The following BRMS1L variants were observed in gnomAD, a reference collection of about 807,000 sequenced individuals.
BRMS1L encodes the protein BRMS1 like transcriptional repressor, also known as breast cancer metastasis-suppressor 1-like protein.
Under a neutral mutation model 50.3 loss-of-function variants are expected in BRMS1L, and 23 were observed. The ratio of observed to expected loss-of-function variants is 0.46; its 90% CI spans 0.33 to 0.65. The LOEUF (loss-of-function observed/expected upper bound fraction) is 0.65. Among genes scored for constraint, BRMS1L ranks in the 30% least tolerant of loss-of-function variants. BRMS1L has a pLI of 0.02. For missense variants in BRMS1L, 286 were observed against 386.1 expected (o/e 0.74, Z 2.17); for synonymous variants, 114 against 126.9 (o/e 0.90, Z 0.69).
At chr14:35,839,337 T>C (rs992595617) in intron 4 of BRMS1L, among the ~76,000 whole-genome samples, 6 of 152,178 alleles carry the variant, frequency 3.9e-5, no homozygotes, top group Non-Finnish European at 7.4e-5. Flanking sequence ...TTGCTTAGGA[T>C]TGTCTTGGCT....
Position 35,826,406 on chromosome 14 carries a change from G to C in BRMS1L, c.-111G>C, listed in dbSNP as rs1567296020. ...GGCCGGGGGCGGGGAGGAGCCAAGG[G>C]GGCGAGCAAGCTCGGTGGCTGGGTG... On this transcript the variant is annotated 5_prime_UTR_variant, in exon 1 of 10. Transcript: ENST00000216807. 7 of 1,497,340 alleles carry C rather than the reference G, an allele frequency of 4.7e-6. No individual in the cohort carries two copies. The highest frequency in any genetic ancestry group is 5.4e-6 in the Non-Finnish European group (6 of 1,111,148). The allele number at this position is 1,497,340 out of a possible 1,614,324, so 92.8% of individuals were successfully genotyped here. A position where few individuals can be genotyped will look rare whatever the true frequency, so the allele number is the denominator to read the frequency against.
At chr14:35,842,154 T>C (rs1020403812) in intron 4 of BRMS1L, among the ~76,000 whole-genome samples, 7 of 152,326 alleles carry the variant, frequency 4.6e-5, no homozygotes, top group Admixed American at 1.3e-4. Context: ...TGTCTTTTAA[T>C]TGGGGCATTT....
chr14:35,857,545 C>T (rs7159721), intron 4 of BRMS1L, among the ~76,000 whole-genome samples: 3,324 of 151,644 alleles, frequency 0.022, 119 homozygotes, highest in African/African-American at 0.076. Flanking sequence ...GGTTTTGAAC[C>T]CCTGGCCTCA....
At chr14:35,857,125 C>T in intron 4 of BRMS1L, among the ~76,000 whole-genome samples, 1 of 151,536 alleles carries the variant, frequency 6.6e-6, no homozygotes, top group Non-Finnish European at 1.5e-5. Context: ...CCTGTAATCC[C>T]AGCTACTTGG....
intron 5 of BRMS1L, among the ~76,000 whole-genome samples, chr14:35,863,060 A>G (rs1481987811): frequency 2.0e-5 from 3 of 152,028 alleles, no homozygotes; most frequent in Admixed American, 1.3e-4. Context: ...GCAGTGAGCC[A>G]TGATGGCGCC....
chr14:35,862,526 ACT>A lies in BRMS1L; in HGVS notation c.442-61_442-60del. On this transcript the variant is annotated intron_variant, in intron 4 of 9. Transcript: ENST00000216807. ...ATTAAAGTACTTTAAGTTATTTGGT[ACT>A]CTTAGTTAAGATACACCAATTTTTT... 5 of 975,850 alleles carry A rather than the reference ACT, an allele frequency of 5.1e-6. No individual in the cohort carries two copies. In the South Asian group the frequency reaches 9.2e-5, roughly 18 times the overall value. 60.4% of individuals were successfully genotyped at this position (975,850 alleles called of 1,614,324 possible).
intron 4 of BRMS1L, among the ~76,000 whole-genome samples, chr14:35,847,940 T>A (rs10139124): frequency 0.35 from 53,211 of 152,026 alleles, 13,032 homozygotes; most frequent in African/African-American, 0.68. Flanking sequence ...CATTTTCTTT[T>A]CCCCATTCAT....
intron 4 of BRMS1L, among the ~76,000 whole-genome samples, chr14:35,857,759 CAA>C (rs2142058003): frequency 6.6e-6 from 1 of 151,948 alleles, no homozygotes; most frequent in South Asian, 2.1e-4. Flanking sequence ...TTTACTGAGT[CAA>C]GAGTTACATT....
chr14:35,832,505 C>CAA (rs3058640), intron 2 of BRMS1L, among the ~76,000 whole-genome samples: 4,161 of 116,176 alleles, frequency 0.036, 174 homozygotes, highest in African/African-American at 0.091. Context: ...GACTCCGTCT[C>CAA]AAAAAAAAAA....
intron 4 of BRMS1L, among the ~76,000 whole-genome samples, chr14:35,857,173 G>A (rs1057245536): frequency 6.6e-6 from 1 of 150,922 alleles, no homozygotes; most frequent in Non-Finnish European, 1.5e-5. Context: ...CCTGGGAGAC[G>A]GAGGTTGCAG....
chr14:35,830,756 A>G (rs1486065465), intron 1 of BRMS1L, among the ~76,000 whole-genome samples: 5 of 151,636 alleles, frequency 3.3e-5, no homozygotes, highest in Non-Finnish European at 5.9e-5. Flanking sequence ...TTTAAAGGAC[A>G]CAGTCATTTT....
In BRMS1L at chr14:35,866,011, GTATT is replaced by G. The variant is rs576474483; in HGVS notation, c.727+254_727+257del. 49 of 413,562 alleles carry G rather than the reference GTATT, an allele frequency of 1.2e-4. No individual in the cohort carries two copies. In the South Asian group the frequency reaches 2.6e-3, roughly 22 times the overall value. 25.6% of individuals were successfully genotyped at this position (413,562 alleles called of 1,614,324 possible). A position where few individuals can be genotyped will look rare whatever the true frequency, so the allele number is the denominator to read the frequency against. ...AATAATGGATCAGTAACTCAAAAAAGTATTTATGCAGTGTTTTTTATGGGCTCTG... is the reference window on the plus strand; with the variant it reads ...AATAATGGATCAGTAACTCAAAAAAGTATGCAGTGTTTTTTATGGGCTCTG... On this transcript the variant is annotated intron_variant, in intron 8 of 9. Transcript: ENST00000216807.
chr14:35,837,124 A>C (rs2078005208), intron 4 of BRMS1L, among the ~76,000 whole-genome samples: 1 of 152,098 alleles, frequency 6.6e-6, no homozygotes, highest in Non-Finnish European at 1.5e-5. Context: ...GTGTGGTGGC[A>C]TGCGCCTGTA....
At chr14:35,844,146 G>A (rs1033229928) in intron 4 of BRMS1L, among the ~76,000 whole-genome samples, 4 of 152,184 alleles carry the variant, frequency 2.6e-5, no homozygotes, top group African/African-American at 9.6e-5. Flanking sequence ...CATCTGCTGA[G>A]CAAGACCACT....
intron 4 of BRMS1L, among the ~76,000 whole-genome samples, chr14:35,839,369 C>T (rs181584933): frequency 2.7e-4 from 41 of 152,088 alleles, no homozygotes; most frequent in Admixed American, 2.4e-3. Context: ...TTTTTGGTTC[C>T]GTATGAAATT....
intron 4 of BRMS1L, among the ~76,000 whole-genome samples, chr14:35,841,290 TA>T (rs768376097): frequency 2.6e-5 from 4 of 151,930 alleles, no homozygotes; most frequent in Non-Finnish European, 4.4e-5. Flanking sequence ...ATTTTTTATT[TA>T]TTTTTTTAAA....
intron 8 of BRMS1L, 99 bp downstream of exon 8, chr14:35,865,860 A>C (rs1319000956): frequency 1.5e-5 from 16 of 1,049,340 alleles, no homozygotes; most frequent in Non-Finnish European, 4.3e-6. Flanking sequence ...CAGTGGTTTT[A>C]TTTCATCAGT....
chr14:35,842,270 G>A (rs868134656), intron 4 of BRMS1L, among the ~76,000 whole-genome samples: 12 of 152,050 alleles, frequency 7.9e-5, no homozygotes, highest in African/African-American at 1.4e-4. Context: ...TCTTCATAGC[G>A]TTGATGGTCT....
chr14:35,858,821 A>T (rs2078314202), intron 4 of BRMS1L: 1 of 152,156 alleles, frequency 6.6e-6, no homozygotes. Flanking sequence ...GTGTCCTCAT[A>T]ACCTGGTACC....
Sources: gnomAD v4.1 joint callset for allele counts (sites outside exome capture counted in the v4.1 genomes callset) on GRCh38, gnomAD v4.1.1 for gene constraint, MANE v1.5 for transcripts, NCBI Gene and HGNC (gene_info 2026-07-23, HGNC 2026-07-21) for gene names.